Variants in CHN2 observed in about 807,000 individuals in gnomAD.
The protein encoded by CHN2 is beta-chimaerin.
Under a neutral mutation model 56.3 loss-of-function variants are expected in CHN2, and 35 were observed. The observed-to-expected ratio is 0.62, with a 90% CI of 0.47 to 0.82. The LOEUF is 0.82. Among genes scored for constraint, CHN2 ranks in the 40% least tolerant of loss-of-function variants. CHN2 has a pLI of 0.00. For missense variants in CHN2, 491 were observed against 580.5 expected (o/e 0.85, Z 1.58); for synonymous variants, 210 against 212.8 (o/e 0.99, Z 0.12).
intron 6 of CHN2, among the ~76,000 whole-genome samples, chr7:29,466,306 G>T (rs549393162): frequency 9.2e-5 from 14 of 152,126 alleles, no homozygotes; most frequent in African/African-American, 2.2e-4. Context: ...ATATTGAGAC[G>T]TAATTTTCTG....
intron 3 of CHN2, among the ~76,000 whole-genome samples, chr7:29,382,016 C>G (rs1800553362): frequency 6.6e-6 from 1 of 152,040 alleles, no homozygotes; most frequent in African/African-American, 2.4e-5. Context: ...CCCTTTGCAC[C>G]TTGCTTCTCT....
chr7:29,429,144 A>G (rs1235648084), intron 6 of CHN2, among the ~76,000 whole-genome samples: 1 of 152,230 alleles, frequency 6.6e-6, no homozygotes, highest in East Asian at 1.9e-4. Flanking sequence ...CCCTATGCAT[A>G]TCACAAGTAT....
chr7:29,379,980 A>C (rs1800366210), intron 3 of CHN2, among the ~76,000 whole-genome samples: 1 of 152,200 alleles, frequency 6.6e-6, no homozygotes, highest in African/African-American at 2.4e-5. Flanking sequence ...AAAAAAAATT[A>C]ATAGAGAACA....
chr7:29,209,811 T>A (rs1158521938), intron 1 of CHN2, among the ~76,000 whole-genome samples: 2 of 152,220 alleles, frequency 1.3e-5, no homozygotes, highest in African/African-American at 2.4e-5. Flanking sequence ...TCCAGTGGAA[T>A]AAATGTATTG....
intron 1 of CHN2, chr7:29,288,888 A>G (rs1237834660): frequency 6.6e-6 from 1 of 152,208 alleles, no homozygotes; most frequent in Non-Finnish European, 1.5e-5. Context: ...GAAATAGATG[A>G]GATTGAGCAT....
intron 1 of CHN2, among the ~76,000 whole-genome samples, chr7:29,302,128 G>C (rs10951213): frequency 0.25 from 37,757 of 152,160 alleles, 5,361 homozygotes; most frequent in Non-Finnish European, 0.33. Context: ...CTCTCTAACA[G>C]AGTGATCTCT....
chr7:29,472,517 G>A (rs907542386), intron 6 of CHN2, among the ~76,000 whole-genome samples: 7 of 152,146 alleles, frequency 4.6e-5, no homozygotes, highest in East Asian at 1.9e-4. Context: ...GGGAAATAAC[G>A]GGACACCCAG....
chr7:29,483,930 G>A, intron 7 of CHN2: 1 of 1,269,614 alleles, frequency 7.9e-7, no homozygotes, highest in Non-Finnish European at 1.0e-6. Context: ...GTGTTGGGAG[G>A]TTTAAAGAAT....
chr7:29,280,401 TA>T (rs1197217930), intron 1 of CHN2, among the ~76,000 whole-genome samples: 2 of 151,152 alleles, frequency 1.3e-5, no homozygotes, highest in Non-Finnish European at 2.9e-5. Flanking sequence ...AATAAATAAA[TA>T]AATAAATAAA....
intron 7 of CHN2, among the ~76,000 whole-genome samples, chr7:29,492,917 A>T (rs1395242602): frequency 6.6e-6 from 1 of 152,198 alleles, no homozygotes; most frequent in Non-Finnish European, 1.5e-5. Context: ...GGCTTCTGGA[A>T]CACTTTGTTG....
chr7:29,194,903 C>A lies in CHN2; in HGVS notation c.-39C>A. 6.6e-7 allele frequency: 1 copy of A among 1,505,432 alleles called. No homozygotes were observed. The allele number at this position is 1,505,432 out of a possible 1,614,324, so 93.3% of individuals were successfully genotyped here. ...GAGGGCAGCGGCGGCGGCGTCCGCA[C>A]CGGGGCTGAGCGAGCAGCGACGCGA... On this transcript the variant is annotated 5_prime_UTR_variant, in exon 1 of 13. Transcript: ENST00000222792.
At chr7:29,317,975 C>A (rs1308927429) in intron 1 of CHN2, among the ~76,000 whole-genome samples, 1 of 152,142 alleles carries the variant, frequency 6.6e-6, no homozygotes, top group Non-Finnish European at 1.5e-5. Flanking sequence ...CAGAACGAGA[C>A]CCTGTCTCAA....
chr7:29,492,175 C>T (rs1788732593), intron 7 of CHN2, among the ~76,000 whole-genome samples: 1 of 152,152 alleles, frequency 6.6e-6, no homozygotes, highest in Non-Finnish European at 1.5e-5. Flanking sequence ...TGTCAGAGCA[C>T]TTTGATGAAA....
rs148266761 is a variant in CHN2 at position 29,169,880 on chromosome 7, G to GTGTGTGTGTATA, written c.274+22921_274+22922insGTGTGTGTATAT. 2.7e-5 allele frequency among the ~76,000 whole-genome samples: 4 copies of GTGTGTGTGTATA among 150,044 alleles called. No individual in the cohort carries two copies. The East Asian group carries it at 7.9e-4, about 30-fold the overall frequency. On this transcript the variant is annotated intron_variant, in intron 2 of 6. Coordinates refer to the CHN2 transcript ENST00000439384. Reference sequence around the variant, plus strand: ...TATATACGTGTGTGTGTGTGTGTGTGTATATATATATGTATATACAGGTTG... The same window carrying GTGTGTGTGTATA: ...TATATACGTGTGTGTGTGTGTGTGTGTGTGTGTGTATATATATATATATGTATATACAGGTTG...
intron 6 of CHN2, among the ~76,000 whole-genome samples, chr7:29,456,118 A>G (rs759405264): frequency 6.6e-6 from 1 of 152,176 alleles, no homozygotes. Flanking sequence ...CAGTCTGACA[A>G]ATGCTTGCCC....
chr7:29,453,682 C>T (rs533076483), intron 6 of CHN2, among the ~76,000 whole-genome samples: 1 of 152,284 alleles, frequency 6.6e-6, no homozygotes, highest in African/African-American at 2.4e-5. Context: ...ACATTGAAAC[C>T]TAACTAGGTC....
chr7:29,196,592 C>T (rs768111261), intron 1 of CHN2, among the ~76,000 whole-genome samples: 1 of 152,116 alleles, frequency 6.6e-6, no homozygotes, highest in Non-Finnish European at 1.5e-5. Flanking sequence ...GAAAACTGCC[C>T]ACTAGAAAAT....
At chr7:29,179,351 TC>T (rs943213923) in intron 2 of CHN2, among the ~76,000 whole-genome samples, 3 of 152,180 alleles carry the variant, frequency 2.0e-5, no homozygotes, top group African/African-American at 7.2e-5. Context: ...CTGCCTTCCT[TC>T]CCACACAGTG....
chr7:29,471,601 G>A (rs1786045808), intron 6 of CHN2, among the ~76,000 whole-genome samples: 1 of 152,156 alleles, frequency 6.6e-6, no homozygotes, highest in Non-Finnish European at 1.5e-5. Context: ...TCTAGGAGGG[G>A]CAGTAAGACT....
Sources: allele counts gnomAD v4.1 joint callset (sites outside exome capture counted in the v4.1 genomes callset), GRCh38; gene constraint gnomAD v4.1.1; transcripts MANE v1.5; gene names NCBI Gene and HGNC (gene_info 2026-07-23, HGNC 2026-07-21).